ATP13A3: variants seen among roughly 807,000 people sequenced by gnomAD.
ATP13A3 encodes polyamine-transporting ATPase 13A3.
Under a neutral mutation model 158.1 loss-of-function variants are expected in ATP13A3, and 59 were observed. That is an observed-to-expected ratio of 0.37 (90% CI 0.30 to 0.46). The LOEUF is 0.46. ATP13A3 is among the 20% of genes least tolerant of loss of function. The pLI, the probability that ATP13A3 is intolerant of heterozygous loss-of-function variation, is 1.00. For missense variants in ATP13A3, 1,166 were observed against 1,525.2 expected, an observed-to-expected ratio of 0.76 and a Z score of 3.92; for synonymous variants, 491 against 504.3, an observed-to-expected ratio of 0.97 and a Z score of 0.35.
At chr3:194,436,725 A>G (rs966475468) in intron 20 of ATP13A3, among the ~76,000 whole-genome samples, 1 of 152,256 alleles carries the variant, frequency 6.6e-6, no homozygotes, top group African/African-American at 2.4e-5. Flanking sequence ...GCACCCGCCT[A>G]TAATCCCAGC....
chr3:194,425,213 C>G, intron 30 of ATP13A3, 129 bp downstream of exon 30: 1 of 916,300 alleles, frequency 1.1e-6, no homozygotes, highest in East Asian at 2.7e-5. Context: ...CGGTAAACAT[C>G]TAAATCACTA....
chr3:194,449,247 TTGTTTGTGTGTTTTAAGATACGAGATATG>T (rs1718630888), intron 11 of ATP13A3, among the ~76,000 whole-genome samples: 2 of 152,074 alleles, frequency 1.3e-5, no homozygotes, highest in Admixed American at 1.3e-4. Flanking sequence ...AGATATGTAT[TTGTTTGTGTGTTTTAAGATACGAGATATG>T]TGTTTGTGTG....
chr3:194,441,572 C>G (rs1560091740), intron 15 of ATP13A3, 111 bp from the exon 16 acceptor site: 1 of 955,348 alleles, frequency 1.0e-6, no homozygotes, highest in Non-Finnish European at 1.5e-6. Context: ...AAATCCCAAT[C>G]TGAGCTCCTA....
rs182618037 is a variant in ATP13A3 at position 194,486,011 on chromosome 3, G to A, written c.-88-176C>T. 2.2e-3 allele frequency among the ~76,000 whole-genome samples: 333 copies of A among 152,230 alleles called. 1 individual carries two copies. Among genetic ancestry groups the A allele is most frequent in the African/African-American group, 7.7e-3 (318 of 41,514 alleles). ...CAGAACCTGACTCTGTGAAGGGAAT[G>A]GAGAGACAGAAAGGCCATAGCGAGA... On this transcript the variant is annotated intron_variant, in intron 1 of 33. Transcript: ENST00000645319.
At chr3:194,411,156 A>C (rs1169232630) in intron 33 of ATP13A3, among the ~76,000 whole-genome samples, 2 of 152,134 alleles carry the variant, frequency 1.3e-5, no homozygotes, top group African/African-American at 4.8e-5. Flanking sequence ...CCCTCTTAGA[A>C]AGCAAGCCTG....
chr3:194,460,531 T>G, intron 4 of ATP13A3, 127 bp downstream of exon 4: 2 of 959,398 alleles, frequency 2.1e-6, no homozygotes, highest in Admixed American at 2.4e-5. Flanking sequence ...CTAGAAATAC[T>G]AGAATTAGCA....
At chr3:194,475,077 G>A (rs1720467574) in intron 2 of ATP13A3, among the ~76,000 whole-genome samples, 1 of 152,084 alleles carries the variant, frequency 6.6e-6, no homozygotes, top group Non-Finnish European at 1.5e-5. Context: ...GGGGATGCTA[G>A]GGAATAATAT....
chr3:194,422,120 T>TA (rs1269090212), intron 30 of ATP13A3, among the ~76,000 whole-genome samples: 1 of 151,878 alleles, frequency 6.6e-6, no homozygotes, highest in Non-Finnish European at 1.5e-5. Flanking sequence ...TATCTTTGTT[T>TA]AGCCTGGAGG....
At chr3:194,410,325 A>AAAAAAAAAAC (rs1715303030) in intron 33 of ATP13A3, among the ~76,000 whole-genome samples, 1 of 146,650 alleles carries the variant, frequency 6.8e-6, no homozygotes, top group Non-Finnish European at 1.5e-5. Flanking sequence ...AAAAAAAAAA[A>AAAAAAAAAAC]AAAAAACTGC....
intron 30 of ATP13A3, 111 bp from the exon 31 acceptor site, chr3:194,420,078 T>C: frequency 8.5e-7 from 1 of 1,176,032 alleles, no homozygotes; most frequent in Non-Finnish European, 1.1e-6. Flanking sequence ...TTGAATACTT[T>C]CACTTCAGTT....
chr3:194,403,842 A>T lies in ATP13A3; in HGVS notation c.*2077T>A, dbSNP rs960230001. The T allele has an allele frequency of 4.1e-6, 1 of 244,626 alleles. No individual in the cohort carries two copies. Among genetic ancestry groups the T allele is most frequent in the Non-Finnish European group, 8.1e-6 (1 of 123,624 alleles). The allele number at this position is 244,626 out of a possible 1,614,324, so 15.2% of individuals were successfully genotyped here. On this transcript the variant is annotated 3_prime_UTR_variant, in exon 34 of 34. Transcript: ENST00000645319. ...CCTACAAATGCTTTTCCAGCCACCT[A>T]AACACCTCATTCCTTTGAAAACAAT...
rs559369634 is a variant in ATP13A3 at position 194,474,170 on chromosome 3, G to A, written c.-47+11624C>T. On this transcript the variant is annotated intron_variant, in intron 2 of 33. Coordinates refer to ENST00000645319, the MANE Select transcript of ATP13A3 (RefSeq NM_001367549.1). ...GTTAGAACAAATAAAAGAGTTTTTCGGGTTTTTTTAAGAGATGGGGTCTCA... is the reference window on the plus strand; with the variant it reads ...GTTAGAACAAATAAAAGAGTTTTTCAGGTTTTTTTAAGAGATGGGGTCTCA... 4.4e-4 allele frequency among the ~76,000 whole-genome samples: 67 copies of A among 152,098 alleles called. 2 individuals carry two copies. Among genetic ancestry groups the A allele is most frequent in the Middle Eastern group, 3.4e-3 (1 of 294 alleles).
intron 8 of ATP13A3, 36 bp downstream of exon 8, chr3:194,455,857 C>A: frequency 7.9e-7 from 1 of 1,264,654 alleles, no homozygotes; most frequent in South Asian, 1.4e-5. Context: ...ATCCATTGAT[C>A]ATGACTGTTA....
intron 26 of ATP13A3, 135 bp from the exon 27 acceptor site, chr3:194,429,909 A>T: frequency 1.0e-6 from 1 of 990,982 alleles, no homozygotes; most frequent in Non-Finnish European, 1.5e-6. Flanking sequence ...AAAAGAACTA[A>T]ACCAAATGAG....
intron 14 of ATP13A3, among the ~76,000 whole-genome samples, 193 bp from the exon 15 acceptor site, chr3:194,444,979 T>C (rs1490681451): frequency 1.3e-5 from 2 of 151,384 alleles, no homozygotes; most frequent in Non-Finnish European, 2.9e-5. Flanking sequence ...ATGGTTAAAG[T>C]GGGAGAGGGG....
chr3:194,410,451 C>T (rs1158457024), intron 33 of ATP13A3, among the ~76,000 whole-genome samples: 1 of 151,920 alleles, frequency 6.6e-6, no homozygotes, highest in Non-Finnish European at 1.5e-5. Flanking sequence ...ACCTCTAATG[C>T]CAGCTACCCG....
chr3:194,411,055 A>T (rs1715388450), intron 33 of ATP13A3, among the ~76,000 whole-genome samples: 6 of 128,000 alleles, frequency 4.7e-5, no homozygotes, highest in Admixed American at 4.3e-4. Flanking sequence ...CTGGTATTAC[A>T]CTGCTTTCAG....
At position 194,403,942 on chromosome 3, in the gene ATP13A3, C is replaced by G. The variant is rs1041018798; in HGVS notation, c.*1977G>C. 1 of 328,278 alleles carries G rather than the reference C, an allele frequency of 3.0e-6. No individual in the cohort carries two copies. Among genetic ancestry groups the G allele is most frequent in the Non-Finnish European group, 5.9e-6 (1 of 169,024 alleles). The allele number at this position is 328,278 out of a possible 1,614,324, so 20.3% of individuals were successfully genotyped here. On this transcript the variant is annotated 3_prime_UTR_variant, in exon 34 of 34. Coordinates refer to ENST00000645319, the MANE Select transcript of ATP13A3 (RefSeq NM_001367549.1). ...TGGGGGGGGGGTGTCAAAAATAGCT[C>G]TTTATGATCATGCTCTTAAAGATGT...
At chr3:194,432,020 C>A in intron 21 of ATP13A3, 128 bp from the exon 22 acceptor site, 1 of 723,344 alleles carries the variant, frequency 1.4e-6, no homozygotes, top group Non-Finnish European at 2.0e-6. Flanking sequence ...ATGTATGGTT[C>A]TTCCACTTAC....
Sources: allele counts gnomAD v4.1 joint callset (sites outside exome capture counted in the v4.1 genomes callset), GRCh38; gene constraint gnomAD v4.1.1; transcripts MANE v1.5; gene names NCBI Gene and HGNC (gene_info 2026-07-23, HGNC 2026-07-21).